The following PPP3R1 variants were observed in gnomAD, a reference collection of about 807,000 sequenced individuals.
PPP3R1 encodes the protein protein phosphatase 3 regulatory subunit B, alpha.
Under a neutral mutation model 22.6 loss-of-function variants are expected in PPP3R1, and 5 were observed. That is an observed-to-expected ratio of 0.22 (90% CI 0.12 to 0.46). The LOEUF (loss-of-function observed/expected upper bound fraction) is 0.46, where lower values mean the gene tolerates loss of function less well. Among genes scored for constraint, PPP3R1 ranks in the 20% least tolerant of loss-of-function variants. The probability of loss-of-function intolerance (pLI) is 0.99; values close to 1 mark genes in which losing one functional copy is unlikely to be tolerated. For missense variants in PPP3R1, 61 were observed against 203.2 expected (o/e 0.30, Z 4.25); for synonymous variants, 56 against 65.2 (o/e 0.86, Z 0.68).
At chr2:68,184,085 G>C (rs1674478609) in intron 5 of PPP3R1, among the ~76,000 whole-genome samples, 1 of 152,192 alleles carries the variant, frequency 6.6e-6, no homozygotes, top group South Asian at 2.1e-4. Context: ...TCTGCCTCAT[G>C]TTTCCCAGCC....
intron 3 of PPP3R1, 50 bp downstream of exon 3, chr2:68,188,464 T>C: frequency 1.5e-6 from 2 of 1,356,806 alleles, no homozygotes; most frequent in Non-Finnish European, 2.0e-6. Flanking sequence ...GCTGTAAGAA[T>C]ACAAATAGGT....
intron 2 of PPP3R1, among the ~76,000 whole-genome samples, chr2:68,196,590 A>C (rs779424728): frequency 6.6e-6 from 1 of 152,232 alleles, no homozygotes; most frequent in African/African-American, 2.4e-5. Context: ...CGAGAAATAT[A>C]ATCTTAGACT....
intron 1 of PPP3R1, among the ~76,000 whole-genome samples, chr2:68,234,396 G>C (rs1669977149): frequency 6.6e-6 from 1 of 151,600 alleles, no homozygotes; most frequent in Admixed American, 6.6e-5. Flanking sequence ...GCTGGGTAGT[G>C]GTAGAGACCA....
chr2:68,229,385 A>G (rs1009597050), intron 1 of PPP3R1, among the ~76,000 whole-genome samples: 1 of 152,172 alleles, frequency 6.6e-6, no homozygotes, highest in Non-Finnish European at 1.5e-5. Context: ...AAGATGAAGC[A>G]TTCTATAAAT....
intron 2 of PPP3R1, among the ~76,000 whole-genome samples, chr2:68,209,393 T>TAAAAAA (rs1669425628): frequency 1.2e-5 from 1 of 84,668 alleles, no homozygotes; most frequent in Non-Finnish European, 2.4e-5. Flanking sequence ...AAAAAAAAAC[T>TAAAAAA]GTGGAAGTTA....
chr2:68,203,651 T>C (rs974214499), intron 2 of PPP3R1, among the ~76,000 whole-genome samples: 3 of 150,984 alleles, frequency 2.0e-5, no homozygotes, highest in Admixed American at 1.3e-4. Context: ...TAACTACAGA[T>C]AACCTTTTTC....
chr2:68,186,398 T>A, intron 5 of PPP3R1, 70 bp downstream of exon 5: 2 of 1,396,126 alleles, frequency 1.4e-6, no homozygotes, highest in Non-Finnish European at 9.7e-7. Context: ...ATGGAAATTC[T>A]CTATTAAGTG....
At chr2:68,215,384 C>T (rs1205421609) in intron 2 of PPP3R1, among the ~76,000 whole-genome samples, 1 of 152,134 alleles carries the variant, frequency 6.6e-6, no homozygotes, top group Non-Finnish European at 1.5e-5. Context: ...ATAAGGGATA[C>T]TCAACCTGTA....
intron 5 of PPP3R1, among the ~76,000 whole-genome samples, chr2:68,181,853 A>G (rs751663046): frequency 5.9e-5 from 9 of 152,336 alleles, no homozygotes; most frequent in Middle Eastern, 3.4e-3. Context: ...TTTTCTGTAG[A>G]GTCAAATACA....
At chr2:68,210,485 T>C (rs1669456737) in intron 2 of PPP3R1, among the ~76,000 whole-genome samples, 1 of 152,368 alleles carries the variant, frequency 6.6e-6, no homozygotes, top group Non-Finnish European at 1.5e-5. Flanking sequence ...AATAAGTTAA[T>C]GTTCCAATTT....
rs1384663793 is a variant in PPP3R1, at chr2:68,180,845, G to A, written c.*118C>T. ...CATGAGGCTCATGTTGGAAAATGTG[G>A]CTTCACAGAGAAAAATACTTCCATT... is the stretch of plus-strand genomic sequence containing the variant. On this transcript the variant is annotated 3_prime_UTR_variant, in exon 6 of 6. Transcript: ENST00000234310. 2.9e-6 allele frequency: 3 copies of A among 1,036,510 alleles called. No homozygotes were observed. Among genetic ancestry groups the A allele is most frequent in the Non-Finnish European group, 4.3e-6 (3 of 699,330 alleles). The allele number at this position is 1,036,510 out of a possible 1,614,324, so 64.2% of individuals were successfully genotyped here.
rs1670001597 is a variant in PPP3R1 at position 68,235,484 on chromosome 2, G to A, written c.3+16641C>T. Among the ~76,000 whole-genome samples the A allele has an allele frequency of 3.3e-5, 5 of 152,194 alleles. No homozygotes were observed. The South Asian group carries it at 1.0e-3, about 32-fold the overall frequency. On this transcript the variant is annotated intron_variant, in intron 1 of 5. Transcript: ENST00000234310. The stretch of plus-strand genomic sequence containing the variant: ...ATACAATATATGATCCTGTATGACT[G>A]GCTACTTAGTCGAGTATTTTCAAGG...
At position 68,198,389 on chromosome 2, in the gene PPP3R1, A is replaced by G. The variant is rs1386465454; in HGVS notation, c.44-9699T>C. 1.6e-4 allele frequency among the ~76,000 whole-genome samples: 20 copies of G among 124,126 alleles called. 1 individual carries two copies. Among genetic ancestry groups the G allele is most frequent in the African/African-American group, 6.0e-4 (17 of 28,502 alleles). 81.4% of individuals were successfully genotyped at this position (124,126 alleles called of 152,430 possible). A position where few individuals can be genotyped will look rare whatever the true frequency, so the allele number is the denominator to read the frequency against. ...CATATATGTACATGTATATGCATAT[A>G]TATGTATATATATGTGTATGTATAT... On this transcript the variant is annotated intron_variant, in intron 2 of 5. Coordinates refer to ENST00000234310, the MANE Select transcript of PPP3R1 (RefSeq NM_000945.4).
At chr2:68,198,007 A>G (rs955357452) in intron 2 of PPP3R1, among the ~76,000 whole-genome samples, 1 of 144,046 alleles carries the variant, frequency 6.9e-6, no homozygotes, top group East Asian at 2.0e-4. Context: ...TTTTTATTCC[A>G]TACAGAAATA....
At chr2:68,220,775 G>T (rs929952567) in intron 1 of PPP3R1, among the ~76,000 whole-genome samples, 11 of 152,166 alleles carry the variant, frequency 7.2e-5, no homozygotes, top group Admixed American at 7.2e-4. Context: ...CACATTTTAT[G>T]ATTCCATTTA....
At chr2:68,241,067 T>C (rs1412286032) in intron 1 of PPP3R1, among the ~76,000 whole-genome samples, 2 of 152,210 alleles carry the variant, frequency 1.3e-5, no homozygotes, top group African/African-American at 4.8e-5. Flanking sequence ...ATGGGATCTC[T>C]AGACGCTCTA....
chr2:68,210,184 T>C (rs1048130831), intron 2 of PPP3R1, among the ~76,000 whole-genome samples: 4 of 152,206 alleles, frequency 2.6e-5, no homozygotes, highest in South Asian at 2.1e-4. Flanking sequence ...TCTTAATCTA[T>C]TGGCCTCTAT....
At chr2:68,190,386 G>A (rs1674638934) in intron 2 of PPP3R1, among the ~76,000 whole-genome samples, 1 of 151,622 alleles carries the variant, frequency 6.6e-6, no homozygotes. Context: ...CCAACGTGGT[G>A]AAACCTCGTC....
intron 2 of PPP3R1, among the ~76,000 whole-genome samples, chr2:68,213,713 A>G (rs1669525338): frequency 6.6e-6 from 1 of 152,228 alleles, no homozygotes; most frequent in African/African-American, 2.4e-5. Context: ...CAAAAGTACA[A>G]TAAATCAAAG....
Sources: gnomAD v4.1 joint callset for allele counts (sites outside exome capture counted in the v4.1 genomes callset) on GRCh38, gnomAD v4.1.1 for gene constraint, MANE v1.5 for transcripts, NCBI Gene and HGNC (gene_info 2026-07-23, HGNC 2026-07-21) for gene names.